Variants in CAPRIN1 observed in about 807,000 individuals in gnomAD.
CAPRIN1 encodes caprin-1.
Under a neutral mutation model 100.9 loss-of-function variants are expected in CAPRIN1, and 29 were observed. That is an observed-to-expected ratio of 0.29 (90% CI 0.21 to 0.39). CAPRIN1 has a LOEUF of 0.39. Ranked by LOEUF, CAPRIN1 falls within the 10% of genes least tolerant of loss-of-function variation. The pLI is 1.00. For missense variants in CAPRIN1, 795 were observed against 876.7 expected (o/e 0.91, Z 1.18); for synonymous variants, 338 against 307.5 (o/e 1.10, Z -1.04).
intron 9 of CAPRIN1, 34 bp downstream of exon 9, chr11:34,083,075 T>C (rs1256568981): frequency 1.4e-6 from 2 of 1,414,472 alleles, no homozygotes; most frequent in South Asian, 2.3e-5. Flanking sequence ...GTTGTTGTCT[T>C]TGTCTTCAGT....
intron 6 of CAPRIN1, among the ~76,000 whole-genome samples, chr11:34,079,141 T>C (rs1182103369): frequency 1.3e-5 from 2 of 152,212 alleles, no homozygotes; most frequent in African/African-American, 2.4e-5. Flanking sequence ...GCATGGTGGC[T>C]CATGCCTGTT....
rs781451918 is a variant in CAPRIN1 at position 34,082,818 on chromosome 11, C to G, written c.827-7C>G. The G allele has an allele frequency of 1.9e-6, 3 of 1,612,098 alleles. No homozygotes were observed. The highest frequency in any genetic ancestry group is 2.5e-6 in the Non-Finnish European group (3 of 1,179,206). ...CTTTTGTTTTGCACCATTTTTTAAC[C>G]TCTTAGAACCTGAGCCAGCAGAAGA... On this transcript the variant is annotated splice_region_variant and splice_polypyrimidine_tract_variant and intron_variant, in intron 7 of 18. Transcript: ENST00000341394.
At chr11:34,084,617 C>T (rs1218878497) in intron 9 of CAPRIN1, among the ~76,000 whole-genome samples, 1 of 152,074 alleles carries the variant, frequency 6.6e-6, no homozygotes, top group East Asian at 1.9e-4. Context: ...CTCAAGAGTA[C>T]TGGAGGATAA....
At position 34,090,167 on chromosome 11, in the gene CAPRIN1, A is replaced by G. The variant is rs751508995; in HGVS notation, c.1294-12A>G. The stretch of plus-strand genomic sequence containing the variant: ...AGCAGGAAGAAGCTTTTATTTCTTT[A>G]CTTATGTCTAGGTTCCTTTGGTATC... On this transcript the variant is annotated splice_polypyrimidine_tract_variant and intron_variant, in intron 12 of 18. Coordinates refer to ENST00000341394, the MANE Select transcript of CAPRIN1 (RefSeq NM_005898.5). 1 of 1,543,594 alleles carries G rather than the reference A, an allele frequency of 6.5e-7. No individual in the cohort carries two copies.
intron 14 of CAPRIN1, among the ~76,000 whole-genome samples, chr11:34,091,167 C>A (rs1851255776): frequency 6.6e-6 from 1 of 152,044 alleles, no homozygotes; most frequent in African/African-American, 2.4e-5. Flanking sequence ...GAGGAAAGTT[C>A]ATAAGATTAA....
intron 2 of CAPRIN1, among the ~76,000 whole-genome samples, chr11:34,064,369 TTAATG>T (rs1428634191): frequency 4.6e-5 from 7 of 152,232 alleles, no homozygotes; most frequent in Non-Finnish European, 5.9e-5. Context: ...TAGTTGGACT[TTAATG>T]TAAACCATTT....
chr11:34,054,521 G>A (rs947687322), intron 2 of CAPRIN1, among the ~76,000 whole-genome samples: 11 of 151,826 alleles, frequency 7.2e-5, no homozygotes, highest in African/African-American at 2.7e-4. Context: ...TCCACCTCCC[G>A]GGTTCAAGCG....
chr11:34,077,045 T>C (rs1027717699), intron 6 of CAPRIN1, among the ~76,000 whole-genome samples: 2 of 152,230 alleles, frequency 1.3e-5, no homozygotes, highest in African/African-American at 2.4e-5. Context: ...AGTTTTCCTA[T>C]TTAAAATTAA....
intron 2 of CAPRIN1, chr11:34,053,227 C>A: frequency 1.2e-6 from 1 of 866,466 alleles, no homozygotes; most frequent in Non-Finnish European, 1.4e-6. Flanking sequence ...AATGGGTCTT[C>A]GATTTGCTAC....
chr11:34,086,767 C>T (rs934949979), intron 11 of CAPRIN1, among the ~76,000 whole-genome samples: 1 of 152,158 alleles, frequency 6.6e-6, no homozygotes, highest in Non-Finnish European at 1.5e-5. Context: ...TCACCCCTAG[C>T]GATAGCAACC....
intron 16 of CAPRIN1, among the ~76,000 whole-genome samples, chr11:34,096,893 A>G (rs745560459): frequency 1.3e-5 from 2 of 152,200 alleles, no homozygotes; most frequent in Non-Finnish European, 2.9e-5. Context: ...ATGTCAAATT[A>G]ATGTCTACCA....
At chr11:34,053,578 C>A (rs1850382102) in intron 2 of CAPRIN1, 1 of 146,302 alleles carries the variant, frequency 6.8e-6, no homozygotes, top group African/African-American at 2.6e-5. Flanking sequence ...CCCCGACTGG[C>A]CTCCTTAGGC....
At chr11:34,066,822 TAG>T (rs1850706274) in intron 2 of CAPRIN1, among the ~76,000 whole-genome samples, 1 of 140,076 alleles carries the variant, frequency 7.1e-6, no homozygotes, top group Admixed American at 7.1e-5. Context: ...TCAGTAGAGT[TAG>T]GGTTTCACCA....
At chr11:34,097,903 T>C in intron 18 of CAPRIN1, 142 bp downstream of exon 18, 2 of 1,421,934 alleles carry the variant, frequency 1.4e-6, no homozygotes, top group South Asian at 3.2e-5. Context: ...GCTCTGTTTC[T>C]AAAACTTAAT....
rs747846837 is a variant in CAPRIN1 at position 34,086,236 on chromosome 11, C to G, written c.1122+17C>G. 1.9e-6 allele frequency: 3 copies of G among 1,612,120 alleles called. No homozygotes were observed. Among genetic ancestry groups the G allele is most frequent in the Non-Finnish European group, 2.5e-6 (3 of 1,178,398 alleles). On this transcript the variant is annotated intron_variant, in intron 10 of 18. Coordinates refer to ENST00000341394, the MANE Select transcript of CAPRIN1 (RefSeq NM_005898.5). ...TTCATACAGGTATGTTCATTTTAGT[C>G]AGACTCTGTAACAGAAAGTTTAAGT...
chr11:34,100,143 A>C lies in CAPRIN1; in HGVS notation c.*776A>C, dbSNP rs1387449749. 6.6e-6 allele frequency: 1 copy of C among 152,464 alleles called. No individual in the cohort carries two copies. 9.4% of individuals were successfully genotyped at this position (152,464 alleles called of 1,614,324 possible). A position where few individuals can be genotyped will look rare whatever the true frequency, so the allele number is the denominator to read the frequency against. On this transcript the variant is annotated 3_prime_UTR_variant, in exon 19 of 19. Coordinates refer to ENST00000341394, the MANE Select transcript of CAPRIN1 (RefSeq NM_005898.5). Reference sequence around the variant, plus strand: ...TATTTAGATACCTTTTTGAACACTTAACAGTTTCTTTGAGACAATGACTTT... The same window carrying C: ...TATTTAGATACCTTTTTGAACACTTCACAGTTTCTTTGAGACAATGACTTT...
chr11:34,077,462 A>C (rs551842160), intron 6 of CAPRIN1, among the ~76,000 whole-genome samples: 61 of 152,316 alleles, frequency 4.0e-4, no homozygotes, highest in African/African-American at 1.3e-3. Context: ...TACTTGGTCT[A>C]GTTTTCTTTG....
At chr11:34,076,783 G>T (rs1850917397) in intron 6 of CAPRIN1, 141 bp downstream of exon 6, 2 of 636,970 alleles carry the variant, frequency 3.1e-6, no homozygotes, top group Non-Finnish European at 5.4e-6. Context: ...GCCCAGGTTG[G>T]AGTGTAGTAG....
chr11:34,059,751 G>C (rs1225361752), intron 2 of CAPRIN1, among the ~76,000 whole-genome samples: 1 of 152,228 alleles, frequency 6.6e-6, no homozygotes, highest in African/African-American at 2.4e-5. Flanking sequence ...CATGGGGTTA[G>C]GGAGGAAATG....
Sources: allele counts gnomAD v4.1 joint callset (sites outside exome capture counted in the v4.1 genomes callset), GRCh38; gene constraint gnomAD v4.1.1; transcripts MANE v1.5; gene names NCBI Gene and HGNC (gene_info 2026-07-23, HGNC 2026-07-21).